The following UFD1 variants were observed in gnomAD, a reference collection of about 807,000 sequenced individuals.
The protein encoded by UFD1 is ubiquitin recognition factor in ER-associated degradation protein 1.
Under a neutral mutation model 45.9 loss-of-function variants are expected in UFD1, and 13 were observed. That is an observed-to-expected ratio of 0.28 (90% CI 0.18 to 0.45). The LOEUF (loss-of-function observed/expected upper bound fraction) is 0.45, where lower values mean the gene tolerates loss of function less well. Among genes scored for constraint, UFD1 ranks in the 20% least tolerant of loss-of-function variants. UFD1 has a pLI of 1.00. For synonymous variants in UFD1, 128 were observed against 139.2 expected (o/e 0.92, Z 0.56); for missense variants, 218 against 389.2 (o/e 0.56, Z 3.70).
chr22:19,460,767 T>A (rs1470252655), intron 6 of UFD1, among the ~76,000 whole-genome samples: 1 of 151,712 alleles, frequency 6.6e-6, no homozygotes, highest in African/African-American at 2.4e-5. Flanking sequence ...TTTTTTTTTT[T>A]TTTTTCCCTT....
At chr22:19,468,217 T>G (rs1052129114) in intron 4 of UFD1, among the ~76,000 whole-genome samples, 1 of 152,230 alleles carries the variant, frequency 6.6e-6, no homozygotes, top group South Asian at 2.1e-4. Flanking sequence ...TGAAGCTGTA[T>G]AGCTCACAGT....
At chr22:19,451,674 G>A in intron 11 of UFD1, 2 of 985,442 alleles carry the variant, frequency 2.0e-6, no homozygotes, top group Non-Finnish European at 2.4e-6. Flanking sequence ...ACCTGCAATA[G>A]AGCACTGTTT....
Position 19,458,357 on chromosome 22 carries a change from A to T in UFD1, c.496-218T>A, listed in dbSNP as rs7292318. ...AGATGCTGTTCCCCAGATATGGTTC[A>T]AATTAGACAAGGTAGTTATACAGCT... On this transcript the variant is annotated intron_variant, in intron 6 of 11. Coordinates refer to ENST00000263202, the MANE Select transcript of UFD1 (RefSeq NM_005659.7). 8.5e-3 allele frequency among the ~76,000 whole-genome samples: 1,290 copies of T among 152,330 alleles called. 20 individuals are homozygous for T. Among genetic ancestry groups the T allele is most frequent in the African/African-American group, 0.029 (1,225 of 41,568 alleles).
intron 1 of UFD1, 96 bp downstream of exon 1, chr22:19,478,987 A>G (rs994126197): frequency 6.7e-7 from 1 of 1,487,598 alleles, no homozygotes; most frequent in African/African-American, 1.4e-5. Flanking sequence ...GTGACTCGGC[A>G]CCTCCGCCGC....
At chr22:19,458,738 C>T (rs529412615) in intron 6 of UFD1, among the ~76,000 whole-genome samples, 7 of 152,260 alleles carry the variant, frequency 4.6e-5, no homozygotes, top group South Asian at 2.1e-4. Flanking sequence ...CCACCGCACT[C>T]GGCCTTCGAA....
chr22:19,457,358 C>T (rs746111478), intron 7 of UFD1, among the ~76,000 whole-genome samples: 10 of 152,168 alleles, frequency 6.6e-5, no homozygotes, highest in Non-Finnish European at 1.5e-4. Flanking sequence ...TCTTCCATTT[C>T]GAAAGTTCTG....
intron 4 of UFD1, among the ~76,000 whole-genome samples, chr22:19,468,764 C>T (rs2089822753): frequency 1.3e-5 from 2 of 152,190 alleles, no homozygotes; most frequent in African/African-American, 2.4e-5. Flanking sequence ...GTGCTCACGT[C>T]GTGGCTCAGT....
At chr22:19,473,681 C>T (rs556375384) in intron 3 of UFD1, among the ~76,000 whole-genome samples, 80 of 152,342 alleles carry the variant, frequency 5.3e-4, no homozygotes, top group African/African-American at 1.9e-3. Flanking sequence ...GCTACCTCCA[C>T]CTTGTGGTTG....
At chr22:19,474,963 G>T in intron 3 of UFD1, 105 bp downstream of exon 3, 1 of 1,161,272 alleles carries the variant, frequency 8.6e-7, no homozygotes, top group South Asian at 1.5e-5. Context: ...ACAACCAGAT[G>T]CTGACAAAGG....
intron 1 of UFD1, 80 bp downstream of exon 1, chr22:19,479,003 C>CCCCCCCCCCA: frequency 7.0e-7 from 1 of 1,431,236 alleles, no homozygotes; most frequent in Non-Finnish European, 9.5e-7. Context: ...GCCGCCGTCC[C>CCCCCCCCCCA]GCCCCGCCCT....
At chr22:19,450,831 C>A in intron 11 of UFD1, 87 bp from the exon 12 acceptor site, 1 of 1,600,424 alleles carries the variant, frequency 6.2e-7, no homozygotes, top group Non-Finnish European at 8.5e-7. Flanking sequence ...GTACCATCCA[C>A]ATTACTCATA....
rs368755174 is a variant in UFD1, at chr22:19,455,813, G to C, written c.679-45C>G. On this transcript the variant is annotated intron_variant, in intron 9 of 11. Transcript: ENST00000263202. ...GTCATATAATAAGCCCAAGTGTGAG[G>C]ACGATATGTCCTTTGCTTGGAGATC... The C allele has an allele frequency of 5.1e-6, 8 of 1,569,102 alleles. No homozygotes were observed. The African/African-American group carries it at 5.4e-5, about 11-fold the overall frequency.
At chr22:19,476,030 A>G (rs1193904985) in intron 1 of UFD1, among the ~76,000 whole-genome samples, 3 of 152,226 alleles carry the variant, frequency 2.0e-5, no homozygotes, top group Non-Finnish European at 4.4e-5. Context: ...GTCCACTAAC[A>G]AAATAGATAC....
chr22:19,469,448 T>C (rs527981959), intron 4 of UFD1, among the ~76,000 whole-genome samples: 1 of 152,176 alleles, frequency 6.6e-6, no homozygotes, highest in East Asian at 1.9e-4. Flanking sequence ...AATGGGCTGC[T>C]GGAAGAGGCC....
In UFD1 at chr22:19,458,154, C is replaced by A. The variant is rs769405470; in HGVS notation, c.496-15G>T. 2.5e-6 allele frequency: 4 copies of A among 1,613,862 alleles called. No homozygotes were observed. Among genetic ancestry groups the A allele is most frequent in the Non-Finnish European group, 8.5e-7 (1 of 1,179,902 alleles). On this transcript the variant is annotated splice_polypyrimidine_tract_variant and intron_variant, in intron 6 of 11. Coordinates refer to ENST00000263202, the MANE Select transcript of UFD1 (RefSeq NM_005659.7). ...AGTTCGTAGATCTGTGGGGCAAACA[C>A]AGAAATCAGTTGGATGGTTTCCTGG...
intron 3 of UFD1, among the ~76,000 whole-genome samples, chr22:19,473,530 AG>A (rs1169187939): frequency 6.6e-6 from 1 of 152,286 alleles, no homozygotes; most frequent in African/African-American, 2.4e-5. Context: ...ATGACTTGAA[AG>A]GAAGACCTTT....
At chr22:19,460,596 A>G (rs1473287786) in intron 6 of UFD1, among the ~76,000 whole-genome samples, 1 of 152,168 alleles carries the variant, frequency 6.6e-6, no homozygotes, top group Non-Finnish European at 1.5e-5. Context: ...CCTCCTGCAC[A>G]GAAGCAAGAC....
chr22:19,475,440 G>A (rs1156463084), intron 2 of UFD1, 30 bp downstream of exon 2: 1 of 1,612,642 alleles, frequency 6.2e-7, no homozygotes, highest in Non-Finnish European at 8.5e-7. Context: ...GGCAGGAAAA[G>A]TTACTATTCA....
chr22:19,468,873 G>A (rs1206031841), intron 4 of UFD1, among the ~76,000 whole-genome samples: 1 of 152,186 alleles, frequency 6.6e-6, no homozygotes, highest in Non-Finnish European at 1.5e-5. Context: ...TTCATCGGGA[G>A]TGGCAGTGAG....
Sources: gnomAD v4.1 joint callset for allele counts (sites outside exome capture counted in the v4.1 genomes callset) on GRCh38, gnomAD v4.1.1 for gene constraint, MANE v1.5 for transcripts, NCBI Gene and HGNC (gene_info 2026-07-23, HGNC 2026-07-21) for gene names.